Variants in NCOA7 observed in about 807,000 individuals in gnomAD.
NCOA7 encodes nuclear receptor coactivator 7.
Under a neutral mutation model 104.3 loss-of-function variants are expected in NCOA7, and 45 were observed. The ratio of observed to expected loss-of-function variants is 0.43; its 90% confidence interval spans 0.34 to 0.55. The LOEUF (loss-of-function observed/expected upper bound fraction) is 0.55. Among genes scored for constraint, NCOA7 ranks in the 20% least tolerant of loss-of-function variants. NCOA7 has a pLI of 0.02. For synonymous variants in NCOA7, 398 were observed against 402.3 expected, an observed-to-expected ratio of 0.99 and a Z score of 0.13; for missense variants, 1,041 against 1,119.7, an observed-to-expected ratio of 0.93 and a Z score of 1.00.
chr6:125,810,434 A>C (rs1366620387), intron 1 of NCOA7: 3 of 152,198 alleles, frequency 2.0e-5, no homozygotes, highest in Non-Finnish European at 4.4e-5. Flanking sequence ...TGCAAAAAAA[A>C]ATATTTAGAT....
chr6:125,912,181 G>A (rs1786628904), intron 10 of NCOA7, among the ~76,000 whole-genome samples: 1 of 152,090 alleles, frequency 6.6e-6, no homozygotes, highest in African/African-American at 2.4e-5. Flanking sequence ...ATGTTTGGTG[G>A]GCACCCACAC....
At chr6:125,811,916 C>G (rs1777047868) in intron 1 of NCOA7, among the ~76,000 whole-genome samples, 1 of 152,176 alleles carries the variant, frequency 6.6e-6, no homozygotes. Context: ...TCTAGCTCAT[C>G]TCCAAATGCT....
intron 10 of NCOA7, among the ~76,000 whole-genome samples, chr6:125,909,696 C>G (rs1408897774): frequency 6.6e-6 from 1 of 151,954 alleles, no homozygotes; most frequent in Non-Finnish European, 1.5e-5. Flanking sequence ...TGTAATCTCA[C>G]CTAGTCAGGA....
rs747504000 is a variant in NCOA7 at position 125,878,327 on chromosome 6, T to A, written c.416T>A (p.Val139Glu). 6.2e-7 allele frequency: 1 copy of A among 1,612,864 alleles called. No individual in the cohort carries two copies. Among genetic ancestry groups the A allele is most frequent in the Non-Finnish European group, 8.5e-7 (1 of 1,179,452 alleles). The change falls in exon 5 of 16, where the codon GTG becomes GAG. Residue 139 changes from valine to glutamate, a missense_variant. Coordinates refer to ENST00000392477, the MANE Select transcript of NCOA7 (RefSeq NM_181782.5). ...TTTAACATCACTCCCAATAAATTGG[T>A]GGAACTGAATAAACTTTTCACACAT... ...LKFNITPNKL[V>E]ELNKLFTHTI...
chr6:125,886,809 G>T (rs1562983120), intron 8 of NCOA7, among the ~76,000 whole-genome samples: 2 of 152,170 alleles, frequency 1.3e-5, no homozygotes, highest in South Asian at 4.1e-4. Flanking sequence ...TTACCCAGTG[G>T]CAACGTGCAA....
chr6:125,861,428 T>C (rs1478627085), intron 3 of NCOA7, among the ~76,000 whole-genome samples: 1 of 152,206 alleles, frequency 6.6e-6, no homozygotes, highest in African/African-American at 2.4e-5. Context: ...CACAAATGTC[T>C]AATAACATTG....
chr6:125,852,566 C>T (rs904755196), intron 2 of NCOA7, among the ~76,000 whole-genome samples: 2 of 152,116 alleles, frequency 1.3e-5, no homozygotes, highest in Non-Finnish European at 2.9e-5. Flanking sequence ...TTTAATCCAT[C>T]TTGAGTTGAT....
chr6:125,817,387 A>G (rs964148863), intron 2 of NCOA7, among the ~76,000 whole-genome samples: 20 of 152,250 alleles, frequency 1.3e-4, no homozygotes, highest in African/African-American at 4.6e-4. Flanking sequence ...TCCCATCAGC[A>G]AAGTCTGAGT....
intron 3 of NCOA7, among the ~76,000 whole-genome samples, chr6:125,869,474 T>C (rs1459025756): frequency 1.3e-5 from 2 of 152,196 alleles, no homozygotes; most frequent in East Asian, 3.8e-4. Context: ...CCTAAAGATG[T>C]CCATGTCCTA....
chr6:125,927,228 T>C (rs9375417), intron 13 of NCOA7, among the ~76,000 whole-genome samples: 74,647 of 152,030 alleles, frequency 0.49, 18,388 homozygotes, highest in Admixed American at 0.59. Flanking sequence ...TGCCCAGCCA[T>C]GACTCCACTT....
At chr6:125,891,110 C>T (rs945647984) in intron 10 of NCOA7, among the ~76,000 whole-genome samples, 6 of 152,114 alleles carry the variant, frequency 3.9e-5, no homozygotes, top group African/African-American at 1.4e-4. Context: ...TAGAAGTGCT[C>T]TTTCATTGAG....
At chr6:125,888,464 C>T (rs976651595) in intron 8 of NCOA7, among the ~76,000 whole-genome samples, 4 of 152,146 alleles carry the variant, frequency 2.6e-5, no homozygotes, top group Admixed American at 2.6e-4. Flanking sequence ...AAGTGAGTAG[C>T]TACTAAGTCA....
rs369216530 is a variant in NCOA7, at chr6:125,889,824, G to A, written c.1770G>A (p.Pro590=). Residue 590 remains proline, a synonymous_variant, in exon 9 of 16, where the codon CCG becomes CCA. Transcript: ENST00000392477. ...GGGTGAAAAAGGGAGAGCCCCTCCC[G>A]GTAAAACTGAACTCTTCTACAGAAG... ...KTWVKKGEPL[P]VKLNSSTEAN... is the part of the protein sequence containing the mutation. 36 of 1,613,404 alleles carry A rather than the reference G, an allele frequency of 2.2e-5. No individual in the cohort carries two copies. Among genetic ancestry groups the A allele is most frequent in the Admixed American group, 6.7e-5 (4 of 59,848 alleles).
chr6:125,879,156 C>T (rs1171010351), intron 5 of NCOA7, among the ~76,000 whole-genome samples: 1 of 152,124 alleles, frequency 6.6e-6, no homozygotes, highest in Non-Finnish European at 1.5e-5. Flanking sequence ...AAATTTTAGT[C>T]CTTTGTAAAT....
chr6:125,885,350 CATTT>C lies in NCOA7; in HGVS notation c.884+12_884+15del, dbSNP rs779607503. On this transcript the variant is annotated splice_region_variant and intron_variant, in intron 8 of 15. Coordinates refer to ENST00000392477, the MANE Select transcript of NCOA7 (RefSeq NM_181782.5). The stretch of plus-strand genomic sequence containing the variant: ...TCAAAGATGCCTTGCCATCGTAAGA[CATTT>C]ATTTGTTTACCAGGAAAAAAGGGGT... The C allele has an allele frequency of 1.9e-6, 3 of 1,611,190 alleles. No individual in the cohort carries two copies. Among genetic ancestry groups the C allele is most frequent in the African/African-American group, 2.7e-5 (2 of 74,812 alleles).
chr6:125,923,631 A>G (rs1787777699), intron 13 of NCOA7, among the ~76,000 whole-genome samples: 1 of 152,190 alleles, frequency 6.6e-6, no homozygotes, highest in African/African-American at 2.4e-5. Context: ...TGCAGCATTG[A>G]GCAGATTTTC....
chr6:125,848,484 G>A (rs1254280568), intron 2 of NCOA7, among the ~76,000 whole-genome samples: 1 of 152,154 alleles, frequency 6.6e-6, no homozygotes, highest in Non-Finnish European at 1.5e-5. Context: ...AAAAGGATGA[G>A]TTCATATCCT....
At chr6:125,793,127 A>T (rs1437571731) in intron 1 of NCOA7, among the ~76,000 whole-genome samples, 2 of 152,220 alleles carry the variant, frequency 1.3e-5, no homozygotes, top group Non-Finnish European at 2.9e-5. Context: ...AGACTGCAGG[A>T]ACCAACAGTG....
At chr6:125,836,144 A>C (rs1779592322) in intron 2 of NCOA7, among the ~76,000 whole-genome samples, 1 of 152,228 alleles carries the variant, frequency 6.6e-6, no homozygotes, top group African/African-American at 2.4e-5. Context: ...TTTATGTAGA[A>C]TTCAGAAAAC....
Sources: allele counts gnomAD v4.1 joint callset (sites outside exome capture counted in the v4.1 genomes callset), GRCh38; gene constraint gnomAD v4.1.1; transcripts MANE v1.5; gene names NCBI Gene and HGNC (gene_info 2026-07-23, HGNC 2026-07-21).